Variants in EXOC6 observed in about 807,000 individuals in gnomAD.
EXOC6 encodes the protein SEC15-like 1.
In EXOC6, 60 loss-of-function variants were observed where a neutral mutation model predicts 112.5. That is an observed-to-expected ratio of 0.53 (90% CI 0.43 to 0.66). The LOEUF is 0.66. Among genes scored for constraint, EXOC6 ranks in the 30% least tolerant of loss-of-function variants. The probability of loss-of-function intolerance (pLI) is 0.00; values close to 1 mark genes in which losing one functional copy is unlikely to be tolerated. For missense variants in EXOC6, 855 were observed against 957.1 expected (o/e 0.89, Z 1.41); for synonymous variants, 295 against 308.0 (o/e 0.96, Z 0.44).
intron 20 of EXOC6, among the ~76,000 whole-genome samples, chr10:93,029,266 C>G (rs951372764): frequency 1.3e-5 from 2 of 152,176 alleles, no homozygotes; most frequent in African/African-American, 4.8e-5. Flanking sequence ...ACATAACTTT[C>G]ATTTACACTG....
intron 18 of EXOC6, among the ~76,000 whole-genome samples, chr10:92,996,938 A>G (rs1183336371): frequency 6.6e-6 from 1 of 152,154 alleles, no homozygotes; most frequent in African/African-American, 2.4e-5. Flanking sequence ...GATTGAAGCT[A>G]TGCTATAGAC....
intron 20 of EXOC6, among the ~76,000 whole-genome samples, chr10:93,051,714 G>A (rs1846297884): frequency 6.6e-6 from 1 of 152,142 alleles, no homozygotes; most frequent in Non-Finnish European, 1.5e-5. Flanking sequence ...AATTTAGTAA[G>A]ACCCATTTTT....
chr10:93,034,881 A>G (rs1438653093), intron 20 of EXOC6, among the ~76,000 whole-genome samples: 3 of 152,210 alleles, frequency 2.0e-5, no homozygotes, highest in Non-Finnish European at 4.4e-5. Flanking sequence ...AGAAGTTTTA[A>G]AGTCGTTGAC....
chr10:92,923,928 AAAGGAG>A (rs1246624347), intron 8 of EXOC6, among the ~76,000 whole-genome samples: 1 of 152,166 alleles, frequency 6.6e-6, no homozygotes, highest in African/African-American at 2.4e-5. Flanking sequence ...GGTGCCAAAT[AAAGGAG>A]AAGTCTCCTT....
intron 20 of EXOC6, among the ~76,000 whole-genome samples, chr10:93,036,540 A>G (rs551051170): frequency 6.6e-6 from 1 of 152,236 alleles, no homozygotes; most frequent in Admixed American, 6.5e-5. Context: ...AGTTTTGTCT[A>G]TCTATTAATG....
intron 8 of EXOC6, among the ~76,000 whole-genome samples, chr10:92,923,386 T>A (rs374003429): frequency 3.9e-5 from 6 of 152,210 alleles, no homozygotes; most frequent in African/African-American, 1.4e-4. Context: ...CACACTGCCT[T>A]AAAACAACAA....
At chr10:92,856,851 T>C (rs1389048910) in intron 1 of EXOC6, among the ~76,000 whole-genome samples, 5 of 152,218 alleles carry the variant, frequency 3.3e-5, no homozygotes, top group African/African-American at 9.6e-5. Context: ...ATATTCCTTA[T>C]TGATTGACCA....
chr10:92,939,940 G>A (rs1589870462), intron 12 of EXOC6, among the ~76,000 whole-genome samples: 1 of 152,072 alleles, frequency 6.6e-6, no homozygotes, highest in East Asian at 1.9e-4. Context: ...GACTTTGAAG[G>A]GAGTGACAGA....
chr10:92,998,877 G>A (rs1459531916), intron 19 of EXOC6, among the ~76,000 whole-genome samples: 2 of 151,918 alleles, frequency 1.3e-5, no homozygotes, highest in Non-Finnish European at 2.9e-5. Context: ...ATATATTTAT[G>A]TTTTAGTTTT....
At chr10:93,003,574 T>C (rs1309880777) in intron 19 of EXOC6, among the ~76,000 whole-genome samples, 1 of 152,200 alleles carries the variant, frequency 6.6e-6, no homozygotes, top group Non-Finnish European at 1.5e-5. Flanking sequence ...AGTCAACTTC[T>C]TTATAGGAAG....
At chr10:93,058,194 C>G in intron 21 of EXOC6, 29 bp from the exon 22 acceptor site, 1 of 1,578,782 alleles carries the variant, frequency 6.3e-7, no homozygotes, top group Non-Finnish European at 8.6e-7. Context: ...TTTCTTTTAC[C>G]AAGCTTCTTC....
At chr10:92,977,506 A>G (rs1170520821) in intron 18 of EXOC6, among the ~76,000 whole-genome samples, 1 of 152,204 alleles carries the variant, frequency 6.6e-6, no homozygotes, top group Non-Finnish European at 1.5e-5. Flanking sequence ...GAACTGAAAA[A>G]GGAAATCTAT....
chr10:92,870,371 T>C (rs1008826241), intron 1 of EXOC6, among the ~76,000 whole-genome samples: 8 of 152,202 alleles, frequency 5.3e-5, no homozygotes, highest in African/African-American at 1.9e-4. Context: ...CTTCTGCATC[T>C]ATGGAGATGG....
chr10:92,976,784 A>G (rs1253131510), intron 18 of EXOC6, among the ~76,000 whole-genome samples: 3 of 152,114 alleles, frequency 2.0e-5, no homozygotes, highest in Non-Finnish European at 4.4e-5. Context: ...GCATTGTTCT[A>G]TCCTGGCACG....
intron 12 of EXOC6, among the ~76,000 whole-genome samples, chr10:92,939,111 A>G (rs1486504844): frequency 6.6e-6 from 1 of 152,106 alleles, no homozygotes; most frequent in Non-Finnish European, 1.5e-5. Flanking sequence ...AGGTGGTTTG[A>G]CCCAGATTAT....
At chr10:93,038,663 A>G (rs913976232) in intron 20 of EXOC6, among the ~76,000 whole-genome samples, 2 of 152,166 alleles carry the variant, frequency 1.3e-5, no homozygotes, top group African/African-American at 4.8e-5. Context: ...TTCATGTATA[A>G]TCTCTGCTTT....
intron 12 of EXOC6, among the ~76,000 whole-genome samples, chr10:92,937,522 A>T (rs977656666): frequency 1.3e-5 from 2 of 152,192 alleles, no homozygotes; most frequent in Non-Finnish European, 2.9e-5. Flanking sequence ...AAACCTAAAG[A>T]GAAGATTCCA....
chr10:92,952,098 C>G (rs995434560), intron 14 of EXOC6, among the ~76,000 whole-genome samples, 175 bp from the exon 15 acceptor site: 1 of 152,102 alleles, frequency 6.6e-6, no homozygotes, highest in African/African-American at 2.4e-5. Context: ...TAAATTGCCA[C>G]ATTATTTTCT....
At chr10:92,861,995 G>T (rs1351122675) in intron 1 of EXOC6, among the ~76,000 whole-genome samples, 1 of 152,086 alleles carries the variant, frequency 6.6e-6, no homozygotes, top group African/African-American at 2.4e-5. Flanking sequence ...CTAAATAGAG[G>T]TAACATCAAT....
Sources: gnomAD v4.1 joint callset for allele counts (sites outside exome capture counted in the v4.1 genomes callset) on GRCh38, gnomAD v4.1.1 for gene constraint, MANE v1.5 for transcripts, NCBI Gene and HGNC (gene_info 2026-07-23, HGNC 2026-07-21) for gene names.